The following ELOVL1 variants were observed in gnomAD, a reference collection of about 807,000 sequenced individuals.
The protein encoded by ELOVL1 is very long chain fatty acid elongase 1.
A neutral mutation model predicts 37.8 loss-of-function variants in ELOVL1; 10 were observed. That is an observed-to-expected ratio of 0.26 (90% CI 0.16 to 0.45). The LOEUF (loss-of-function observed/expected upper bound fraction) is 0.45, where lower values mean the gene tolerates loss of function less well. Ranked by LOEUF, ELOVL1 falls within the 20% of genes least tolerant of loss-of-function variation. ELOVL1 has a pLI of 1.00. For synonymous variants in ELOVL1, 133 were observed against 123.8 expected, an observed-to-expected ratio of 1.07 and a Z score of -0.49; for missense variants, 256 against 352.7, an observed-to-expected ratio of 0.73 and a Z score of 2.20.
In ELOVL1 at chr1:43,365,635, C is replaced by A; in HGVS notation, c.-14-12G>T. The A allele has an allele frequency of 6.2e-7, 1 of 1,614,036 alleles. No individual in the cohort carries two copies. The highest frequency in any genetic ancestry group is 1.1e-5 in the South Asian group (1 of 91,076). ...CCTGGCTAAGGACTCTGGGGAGGTA[C>A]AGAGGGCGGATGTCAGACAGATCCC... On this transcript the variant is annotated splice_polypyrimidine_tract_variant and intron_variant, in intron 1 of 7. Transcript: ENST00000372458.
In ELOVL1 at chr1:43,364,342, G is replaced by A; in HGVS notation, c.600C>T (p.His200=). 6 of 1,614,160 alleles carry A rather than the reference G, an allele frequency of 3.7e-6. No homozygotes were observed. The highest frequency in any genetic ancestry group is 5.1e-6 in the Non-Finnish European group (6 of 1,180,034). Residue 200 remains histidine (H), a synonymous_variant, in exon 7 of 8, where the codon CAC becomes CAT. Coordinates refer to ENST00000372458, the MANE Select transcript of ELOVL1 (RefSeq NM_022821.4). The surrounding 1 kb of genome is among the most constrained non-coding windows in gnomAD (Gnocchi z 5.2). ...CCCTCACCAGCTGAATGGCTGTCAT[G>A]TGCTTTTTCCACCAAAGGTAGGGTT... ...VAQPYLWWKK[H]MTAIQLIQFV...
intron 1 of ELOVL1, chr1:43,367,344 C>G (rs1391926813): frequency 9.8e-5 from 15 of 152,628 alleles, no homozygotes; most frequent in Admixed American, 9.8e-4. Context: ...TACTTGCTCC[C>G]CCACCATCGG....
At chr1:43,365,686 T>G (rs1647222079) in intron 1 of ELOVL1, 63 bp from the exon 2 acceptor site, 9 of 1,532,452 alleles carry the variant, frequency 5.9e-6, no homozygotes, top group African/African-American at 1.4e-5. Flanking sequence ...CCCACAGAGA[T>G]AAGACACAGA....
Position 43,363,905 on chromosome 1 carries a change from G to A in ELOVL1, c.*11C>T, listed in dbSNP as rs780285888. On this transcript the variant is annotated 3_prime_UTR_variant, in exon 8 of 8. Transcript: ENST00000372458. ...AGGCACTTAGGTGGGCGCCTATCTA[G>A]GCCATGCTTCTCAGTTGGCCTTGAC... 6.2e-7 allele frequency: 1 copy of A among 1,612,398 alleles called. No individual in the cohort carries two copies. Among genetic ancestry groups the A allele is most frequent in the South Asian group, 1.1e-5 (1 of 90,950 alleles).
At position 43,363,781 on chromosome 1, in the gene ELOVL1, G is replaced by T; in HGVS notation, c.*135C>A. ...GTCCCTGTAGAGCAGCTGTGGGGAG[G>T]GGAGGGCCAGTCCCCTGCTCAGTCC... On this transcript the variant is annotated 3_prime_UTR_variant, in exon 8 of 8. Transcript: ENST00000372458. 1.3e-6 allele frequency: 1 copy of T among 766,320 alleles called. No individual in the cohort carries two copies. Among genetic ancestry groups the T allele is most frequent in the Non-Finnish European group, 2.1e-6 (1 of 468,182 alleles). The allele number at this position is 766,320 out of a possible 1,614,324, so 47.5% of individuals were successfully genotyped here. A position where few individuals can be genotyped will look rare whatever the true frequency, so the allele number is the denominator to read the frequency against.
rs45548635 is a variant in ELOVL1, at chr1:43,365,094, C to T, written c.238-86G>A. 1.2e-3 allele frequency: 1,981 copies of T among 1,597,172 alleles called. 29 individuals carry two copies. The East Asian group carries it at 0.021, about 17-fold the overall frequency. ...GCTAGCTGAGGACATGGATCTGAACCTCTCTGGAAAGGAGAAATGCCATGC... is the reference window on the plus strand; with the variant it reads ...GCTAGCTGAGGACATGGATCTGAACTTCTCTGGAAAGGAGAAATGCCATGC... On this transcript the variant is annotated intron_variant, in intron 3 of 7. Coordinates refer to ENST00000372458, the MANE Select transcript of ELOVL1 (RefSeq NM_022821.4).
chr1:43,363,931 C>G lies in ELOVL1; in HGVS notation c.825G>C (p.Lys275Asn). 4.3e-6 allele frequency: 7 copies of G among 1,613,438 alleles called. No homozygotes were observed. Among genetic ancestry groups the G allele is most frequent in the South Asian group, 1.1e-5 (1 of 91,010 alleles). ...LQQNGAPGIA[K>N]VKAN ...GCCATGCTTCTCAGTTGGCCTTGACCTTGGCAATACCTGGAGCTCCATTTT... is the reference window on the plus strand; with the variant it reads ...GCCATGCTTCTCAGTTGGCCTTGACGTTGGCAATACCTGGAGCTCCATTTT... The change falls in exon 8 of 8, where the codon AAG becomes AAC. Residue 275 changes from lysine to asparagine, a missense_variant. By Grantham distance (94) the Lys-to-Asn change is moderately conservative. Transcript: ENST00000372458.
rs778135356 is a variant in ELOVL1 at position 43,364,997 on chromosome 1, C to G, written c.249G>C (p.Ser83=). The change falls in exon 4 of 8, where the codon TCG becomes TCC. Residue 83 remains serine, a synonymous_variant. Coordinates refer to ENST00000372458, the MANE Select transcript of ELOVL1 (RefSeq NM_022821.4). The surrounding 1 kb of genome is among the most constrained non-coding windows in gnomAD (Gnocchi z 5.2). ...SLYIVYEFLM[S]GWLSTYTWRC... ...GCCAGGTATAGGTGCTCAGCCAGCC[C>G]GACATCAGGAACTGGGAAGGGATGT... is the stretch of plus-strand genomic sequence containing the variant. The G allele has an allele frequency of 9.3e-6, 15 of 1,613,406 alleles. No individual in the cohort carries two copies. Among genetic ancestry groups the G allele is most frequent in the Non-Finnish European group, 1.2e-5 (14 of 1,179,708 alleles).
At chr1:43,365,487 C>T (rs1647217535) in intron 2 of ELOVL1, 77 bp downstream of exon 2, 2 of 1,612,252 alleles carry the variant, frequency 1.2e-6, no homozygotes, top group East Asian at 2.2e-5. Flanking sequence ...TTCATAGGAA[C>T]TCTCCATTAG....
rs1360068839 is a variant in ELOVL1, at chr1:43,364,367, T to C, written c.575A>G (p.Gln192Arg). 6.2e-7 allele frequency: 1 copy of C among 1,614,042 alleles called. No individual in the cohort carries two copies. The highest frequency in any genetic ancestry group is 8.5e-7 in the Non-Finnish European group (1 of 1,180,038). Residue 192 changes from glutamine to arginine, a missense_variant, in exon 7 of 8, where the codon CAA (glutamine) becomes CGA (arginine). Physicochemically the swap from Gln to Arg is conservative, Grantham distance 43 (BLOSUM62 1). Around this residue, in one of 3 missense-constraint regions of ELOVL1, gnomAD observed 39 missense variants for 89.9 expected, o/e 0.43. Transcript: ENST00000372458. This position sits in a 1 kb window ranked among gnomAD's most constrained non-coding sequence, Gnocchi z 5.2. Reference sequence around the variant, plus strand: ...GTGCTTTTTCCACCAAAGGTAGGGTTGTGCCACAGGGCCAAAGGCAGATAA... The same window carrying C: ...GTGCTTTTTCCACCAAAGGTAGGGTCGTGCCACAGGGCCAAAGGCAGATAA... ...YGLSAFGPVAQPYLWWKKHMT... is the reference protein window; with the variant it reads ...YGLSAFGPVARPYLWWKKHMT...
intron 1 of ELOVL1, chr1:43,366,706 C>T (rs912783449): frequency 6.6e-6 from 1 of 152,352 alleles, no homozygotes; most frequent in Non-Finnish European, 1.5e-5. Context: ...AATCACTCTT[C>T]CCTTCCTGGG....
intron 1 of ELOVL1, among the ~76,000 whole-genome samples, chr1:43,366,063 TCTCTCCTCTCCTGCC>T (rs1373920630): frequency 6.6e-6 from 1 of 151,814 alleles, no homozygotes; most frequent in East Asian, 1.9e-4. Flanking sequence ...TCCCCTTCAA[TCTCTCCTCTCCTGCC>T]CTCTCCTCTT....
At chr1:43,367,398 G>A (rs1380573522) in intron 1 of ELOVL1, 2 of 152,514 alleles carry the variant, frequency 1.3e-5, no homozygotes, top group African/African-American at 4.8e-5. Flanking sequence ...GCCGGGGCGA[G>A]GGCGCCAACA....
intron 1 of ELOVL1, chr1:43,366,525 C>T (rs1354196362): frequency 1.3e-5 from 2 of 156,734 alleles, no homozygotes; most frequent in African/African-American, 4.8e-5. Flanking sequence ...CACCCACCCA[C>T]CCACGTGGGA....
chr1:43,364,105 G>C lies in ELOVL1; in HGVS notation c.651C>G (p.Ser217=). The change falls in exon 8 of 8, where the codon TCC becomes TCG. Residue 217 remains serine, a synonymous_variant. Coordinates refer to ENST00000372458, the MANE Select transcript of ELOVL1 (RefSeq NM_022821.4). The surrounding 1 kb of genome is among the most constrained non-coding windows in gnomAD (Gnocchi z 5.2). ...IQFVLVSLHI[S]QYYFMSSCNY... ...TACAGCTGGACATAAAGTAGTACTG[G>C]GAGATGTGCAGTGAGACCAGGACAA... The C allele has an allele frequency of 6.2e-7, 1 of 1,614,174 alleles. No individual in the cohort carries two copies.
In ELOVL1 at chr1:43,364,293, G is replaced by A. The variant is rs1448650803; in HGVS notation, c.618+31C>T. ...ATCCAGGCTAGGAATGTGGGGGGAT[G>A]GTTATAGGTAAGTCAGGCCAAGCCC... On this transcript the variant is annotated intron_variant, in intron 7 of 7. Coordinates refer to ENST00000372458, the MANE Select transcript of ELOVL1 (RefSeq NM_022821.4). The surrounding 1 kb of genome is among the most constrained non-coding windows in gnomAD (Gnocchi z 5.2). The A allele has an allele frequency of 6.2e-7, 1 of 1,613,838 alleles. No homozygotes were observed. Among genetic ancestry groups the A allele is most frequent in the Admixed American group, 1.7e-5 (1 of 60,018 alleles).
Position 43,364,284 on chromosome 1 carries a change from T to G in ELOVL1, c.618+40A>C. On this transcript the variant is annotated intron_variant, in intron 7 of 7. Transcript: ENST00000372458. This position sits in a 1 kb window ranked among gnomAD's most constrained non-coding sequence, Gnocchi z 5.2. The stretch of plus-strand genomic sequence containing the variant: ...AAAGGCAGGATCCAGGCTAGGAATG[T>G]GGGGGGATGGTTATAGGTAAGTCAG... The G allele has an allele frequency of 3.1e-6, 5 of 1,613,386 alleles. No individual in the cohort carries two copies. Among genetic ancestry groups the G allele is most frequent in the Non-Finnish European group, 4.2e-6 (5 of 1,179,792 alleles).
At chr1:43,365,039 G>GTTC in intron 3 of ELOVL1, 31 bp from the exon 4 acceptor site, 1 of 1,603,818 alleles carries the variant, frequency 6.2e-7, no homozygotes, top group Non-Finnish European at 8.5e-7. Context: ...GACCACCAGA[G>GTTC]TTCTCCCTTC....
intron 1 of ELOVL1, chr1:43,367,290 C>T (rs956265787): frequency 1.3e-5 from 2 of 152,534 alleles, no homozygotes; most frequent in Non-Finnish European, 2.9e-5. Flanking sequence ...CGGGGCCACT[C>T]ACACACGTGT....
Sources: gnomAD v4.1 joint callset for allele counts (sites outside exome capture counted in the v4.1 genomes callset) on GRCh38, gnomAD v4.1.1 for gene constraint, gnomAD v4.1.1 regional missense constraint, Gnocchi (gnomAD v3.1) non-coding constraint, MANE v1.5 for transcripts, NCBI Gene and HGNC (gene_info 2026-07-23, HGNC 2026-07-21) for gene names.